The following CEP128 variants were observed in gnomAD, a reference collection of about 807,000 sequenced individuals.
CEP128 encodes the protein centrosomal protein 128kDa.
CEP128 carries 132 observed loss-of-function variants against 156.7 expected under a neutral mutation model. That is an observed-to-expected ratio of 0.84 (90% CI 0.73 to 0.97). The LOEUF (loss-of-function observed/expected upper bound fraction) is 0.97, where lower values mean the gene tolerates loss of function less well. Ranked by LOEUF, CEP128 falls within the 50% of genes least tolerant of loss-of-function variation. The pLI is 0.00. For missense variants in CEP128, 1,252 were observed against 1,281.9 expected (o/e 0.98, Z 0.36); for synonymous variants, 469 against 448.9 (o/e 1.04, Z -0.57).
intron 19 of CEP128, among the ~76,000 whole-genome samples, chr14:80,633,992 A>C (rs1295887279): frequency 6.6e-6 from 1 of 152,192 alleles, no homozygotes; most frequent in East Asian, 1.9e-4. Context: ...TAAGCCATGC[A>C]TATCTTCCTT....
chr14:80,504,070 T>C (rs180913562), intron 24 of CEP128, among the ~76,000 whole-genome samples: 198 of 152,308 alleles, frequency 1.3e-3, no homozygotes, highest in Admixed American at 2.5e-3. Context: ...AGGCCCATGG[T>C]AAACTGAAGA....
chr14:80,779,303 G>A (rs1318078264), intron 15 of CEP128, among the ~76,000 whole-genome samples: 1 of 152,176 alleles, frequency 6.6e-6, no homozygotes, highest in African/African-American at 2.4e-5. Context: ...AGTTTTGTGA[G>A]TTTTAGACAA....
chr14:80,622,524 C>A (rs1331991752), intron 19 of CEP128, among the ~76,000 whole-genome samples: 2 of 150,028 alleles, frequency 1.3e-5, no homozygotes, highest in African/African-American at 4.9e-5. Flanking sequence ...AACAGGCAAC[C>A]TACAGAATGG....
Position 80,840,640 on chromosome 14 carries a change from C to G in CEP128, c.849+42G>C, listed in dbSNP as rs76213079. The G allele has an allele frequency of 1.6e-3, 2,071 of 1,334,104 alleles. 22 individuals carry two copies. The African/African-American group carries it at 0.026, about 17-fold the overall frequency. 82.6% of individuals were successfully genotyped at this position (1,334,104 alleles called of 1,614,324 possible). A position where few individuals can be genotyped will look rare whatever the true frequency, so the allele number is the denominator to read the frequency against. On this transcript the variant is annotated intron_variant, in intron 10 of 24. Coordinates refer to ENST00000555265, the MANE Select transcript of CEP128 (RefSeq NM_152446.5). The stretch of plus-strand genomic sequence containing the variant: ...GGCACTCAACAAATACCATTGGCCC[C>G]AAACCACTTTATTCTTTGAAAGATA...
At chr14:80,746,368 G>C (rs1230181416) in intron 18 of CEP128, among the ~76,000 whole-genome samples, 1 of 152,180 alleles carries the variant, frequency 6.6e-6, no homozygotes, top group Non-Finnish European at 1.5e-5. Flanking sequence ...TCAAGATGGT[G>C]TGGTATTGGC....
intron 13 of CEP128, among the ~76,000 whole-genome samples, chr14:80,798,387 A>C (rs1191730975): frequency 6.6e-6 from 1 of 152,222 alleles, no homozygotes; most frequent in Non-Finnish European, 1.5e-5. Context: ...AGTCCAGTGG[A>C]AACTAAGAGT....
In CEP128 at chr14:80,761,462, G is replaced by A. The variant is rs766615722; in HGVS notation, c.2528C>T (p.Ser843Phe). 2 of 1,609,596 alleles carry A rather than the reference G, an allele frequency of 1.2e-6. No individual in the cohort carries two copies. Among genetic ancestry groups the A allele is most frequent in the African/African-American group, 1.3e-5 (1 of 74,822 alleles). Residue 843 changes from serine to phenylalanine, a missense_variant, in exon 17 of 25, where the codon TCC (serine) becomes TTC (phenylalanine). By Grantham distance (155) the Ser-to-Phe change is radical (BLOSUM62 -2). Coordinates refer to ENST00000555265, the MANE Select transcript of CEP128 (RefSeq NM_152446.5). ...TTTTAATTTCTCCACTGAGTCCTTGGAGAATGTTTTACAAGCTGCATCAAT... is the reference window on the plus strand; with the variant it reads ...TTTTAATTTCTCCACTGAGTCCTTGAAGAATGTTTTACAAGCTGCATCAAT... ...KEIDAACKTF[S>F]KDSVEKLKVF... is the part of the protein sequence containing the mutation.
At chr14:80,756,558 T>C (rs973336012) in intron 18 of CEP128, among the ~76,000 whole-genome samples, 2 of 152,188 alleles carry the variant, frequency 1.3e-5, no homozygotes, top group Non-Finnish European at 2.9e-5. Flanking sequence ...GGTAGCATCA[T>C]ACCCTCCCTT....
intron 19 of CEP128, among the ~76,000 whole-genome samples, chr14:80,714,492 CATGT>C (rs1230115780): frequency 6.6e-6 from 1 of 152,128 alleles, no homozygotes; most frequent in Admixed American, 6.6e-5. Context: ...CACATGAGTG[CATGT>C]ATGTGTTTGT....
Position 80,743,241 on chromosome 14 carries a change from T to A in CEP128, c.2640A>T (p.Glu880Asp). 6.2e-7 allele frequency: 1 copy of A among 1,613,094 alleles called. No individual in the cohort carries two copies. Residue 880 changes from glutamate (E) to aspartate (D), a missense_variant, in exon 19 of 25, where the codon GAA becomes GAT. Transcript: ENST00000555265. ...SKTKLQWLCEELKERENREKN... is the reference protein window; with the variant it reads ...SKTKLQWLCEDLKERENREKN... Reference sequence around the variant, plus strand: ...TCTCTCTGTTTTCTCTCTCTTTCAGTTCCTCACAGAGCCACTGAAGTTTAG... The same window carrying A: ...TCTCTCTGTTTTCTCTCTCTTTCAGATCCTCACAGAGCCACTGAAGTTTAG...
At chr14:80,588,936 C>T (rs1891932395) in intron 19 of CEP128, among the ~76,000 whole-genome samples, 1 of 152,064 alleles carries the variant, frequency 6.6e-6, no homozygotes, top group South Asian at 2.1e-4. Context: ...TGAGTGTTAT[C>T]TCACTTCATG....
At chr14:80,597,023 C>CA (rs1892359511) in intron 19 of CEP128, among the ~76,000 whole-genome samples, 1 of 143,656 alleles carries the variant, frequency 7.0e-6, no homozygotes, top group African/African-American at 2.6e-5. Context: ...TAAAAAAAAA[C>CA]AAAAAACCAG....
At chr14:80,694,823 G>A (rs1311361034) in intron 19 of CEP128, among the ~76,000 whole-genome samples, 1 of 151,778 alleles carries the variant, frequency 6.6e-6, no homozygotes, top group African/African-American at 2.4e-5. Context: ...CCTAAATGAT[G>A]GGTTGATAGG....
chr14:80,902,457 G>A lies in CEP128; in HGVS notation c.480+2356C>T, dbSNP rs147364958. Among the ~76,000 whole-genome samples the A allele has an allele frequency of 7.0e-3, 1,065 of 152,198 alleles. 17 individuals are homozygous for A. The highest frequency in any genetic ancestry group is 0.023 in the African/African-American group (965 of 41,512). ...CTAATGCATTTGATTGTGTTGTCTC[G>A]TTATGCAGTAACAAGTGACAGCTAC... On this transcript the variant is annotated intron_variant, in intron 6 of 24. Coordinates refer to ENST00000555265, the MANE Select transcript of CEP128 (RefSeq NM_152446.5).
At chr14:80,621,550 G>A (rs17519) in intron 19 of CEP128, among the ~76,000 whole-genome samples, 73,996 of 152,018 alleles carry the variant, frequency 0.49, 20,352 homozygotes, top group Non-Finnish European at 0.59. Flanking sequence ...AGGGCAAAAC[G>A]TCATAAAATT....
Position 80,939,384 on chromosome 14 carries a change from C to T in CEP128, c.-16+1G>A, listed in dbSNP as rs1334346679. ...GAAACTCAGGGAGAAAGCATACTTA[C>T]AAAGCACACCCCCAAAACTCCGAGT... is the stretch of plus-strand genomic sequence containing the variant. On this transcript the variant is annotated splice_donor_variant, in intron 2 of 24. Coordinates refer to ENST00000555265, the MANE Select transcript of CEP128 (RefSeq NM_152446.5). LOFTEE classifies it low-confidence loss of function (5UTR_SPLICE). 3 of 152,164 alleles carry T rather than the reference C, an allele frequency of 2.0e-5. No homozygotes were observed. The highest frequency in any genetic ancestry group is 4.4e-5 in the Non-Finnish European group (3 of 68,038). The allele number at this position is 152,164 out of a possible 1,614,324, so 9.4% of individuals were successfully genotyped here.
At chr14:80,863,165 T>C (rs772353827) in intron 8 of CEP128, among the ~76,000 whole-genome samples, 1 of 152,190 alleles carries the variant, frequency 6.6e-6, no homozygotes, top group Non-Finnish European at 1.5e-5. Flanking sequence ...TTAAAAGTAA[T>C]ACACTAGAAA....
chr14:80,606,868 T>C (rs1160683026), intron 19 of CEP128, among the ~76,000 whole-genome samples: 2 of 151,968 alleles, frequency 1.3e-5, no homozygotes, highest in Non-Finnish European at 2.9e-5. Flanking sequence ...AATATCACTC[T>C]ATCCAAAAGG....
At chr14:80,761,919 C>A (rs1899991152) in intron 16 of CEP128, among the ~76,000 whole-genome samples, 1 of 151,978 alleles carries the variant, frequency 6.6e-6, no homozygotes, top group South Asian at 2.1e-4. Context: ...ATAATATATT[C>A]TCAGTAATGA....
Sources: gnomAD v4.1 joint callset for allele counts (sites outside exome capture counted in the v4.1 genomes callset) on GRCh38, gnomAD v4.1.1 for gene constraint, MANE v1.5 for transcripts, NCBI Gene and HGNC (gene_info 2026-07-23, HGNC 2026-07-21) for gene names.